The following TAFA1 variants were observed in gnomAD, a reference collection of about 807,000 sequenced individuals.
The protein encoded by TAFA1 is chemokine-like protein TAFA-1.
A neutral mutation model predicts 18.5 loss-of-function variants in TAFA1; 4 were observed. That is an observed-to-expected ratio of 0.22 (90% CI 0.11 to 0.49). The LOEUF is 0.49. Among genes scored for constraint, TAFA1 ranks in the 20% least tolerant of loss-of-function variants. The pLI is 0.98. For synonymous variants in TAFA1, 56 were observed against 55.2 expected (o/e 1.01, Z -0.06); for missense variants, 147 against 169.0 (o/e 0.87, Z 0.72).
Position 68,094,128 on chromosome 3 carries a change from T to C in TAFA1, c.118+87384T>C, listed in dbSNP as rs147832188. On this transcript the variant is annotated intron_variant, in intron 2 of 4. Transcript: ENST00000478136. ...CCCATTAGAGTGGGGGGTGGATGCC[T>C]AGGATACTGTGATTTAAGATGAATG... 3.8e-3 allele frequency among the ~76,000 whole-genome samples: 585 copies of C among 152,174 alleles called. 2 individuals are homozygous for C. Among genetic ancestry groups the C allele is most frequent in the Non-Finnish European group, 6.4e-3 (432 of 68,000 alleles).
intron 3 of TAFA1, among the ~76,000 whole-genome samples, chr3:68,494,031 A>G (rs2072500045): frequency 6.6e-6 from 1 of 152,176 alleles, no homozygotes; most frequent in African/African-American, 2.4e-5. Flanking sequence ...GTTTCTTGAA[A>G]ATTAGGACTA....
intron 3 of TAFA1, among the ~76,000 whole-genome samples, chr3:68,496,897 C>T (rs1156281408): frequency 6.6e-6 from 1 of 152,034 alleles, no homozygotes; most frequent in African/African-American, 2.4e-5. Flanking sequence ...AGATTCTATC[C>T]CCACAACACC....
chr3:68,192,048 G>A (rs949912741), intron 2 of TAFA1, among the ~76,000 whole-genome samples: 3 of 151,520 alleles, frequency 2.0e-5, no homozygotes, highest in Admixed American at 6.6e-5. Context: ...CTAAAGTCCC[G>A]CCTACATATA....
At chr3:68,069,254 G>A (rs538422161) in intron 2 of TAFA1, among the ~76,000 whole-genome samples, 1 of 152,330 alleles carries the variant, frequency 6.6e-6, no homozygotes, top group African/African-American at 2.4e-5. Context: ...GTTCCATGTG[G>A]CTGGGGAGGC....
chr3:68,194,835 G>T (rs537336132), intron 2 of TAFA1, among the ~76,000 whole-genome samples: 1 of 151,850 alleles, frequency 6.6e-6, no homozygotes, highest in African/African-American at 2.4e-5. Flanking sequence ...GTGAGGTTTT[G>T]TTGGTAAAGT....
intron 4 of TAFA1, among the ~76,000 whole-genome samples, chr3:68,544,098 C>T (rs1486729643): frequency 1.3e-5 from 2 of 151,950 alleles, no homozygotes; most frequent in Non-Finnish European, 2.9e-5. Flanking sequence ...GTGCAGGGCC[C>T]TTGTTTAAAA....
At chr3:68,417,484 T>C in intron 3 of TAFA1, 64 bp downstream of exon 3, 1 of 1,479,800 alleles carries the variant, frequency 6.8e-7, no homozygotes, top group South Asian at 1.3e-5. Context: ...ATATAATTTC[T>C]TGTTTTATCT....
intron 3 of TAFA1, among the ~76,000 whole-genome samples, chr3:68,459,650 A>T (rs917462396): frequency 1.3e-5 from 2 of 152,222 alleles, no homozygotes; most frequent in East Asian, 3.8e-4. Flanking sequence ...CAGTTGATAG[A>T]AAGTATTATC....
chr3:68,513,359 C>T (rs1315780473), intron 3 of TAFA1, among the ~76,000 whole-genome samples: 1 of 152,270 alleles, frequency 6.6e-6, no homozygotes, highest in Non-Finnish European at 1.5e-5. Flanking sequence ...TATTCTGTAT[C>T]ATTCAATATG....
At chr3:68,323,532 A>G (rs1253273068) in intron 2 of TAFA1, among the ~76,000 whole-genome samples, 1 of 152,212 alleles carries the variant, frequency 6.6e-6, no homozygotes, top group Non-Finnish European at 1.5e-5. Flanking sequence ...TTTTGAACGG[A>G]CTGTCCTCGT....
At chr3:68,264,709 GATA>G (rs2067508656) in intron 2 of TAFA1, among the ~76,000 whole-genome samples, 1 of 114,754 alleles carries the variant, frequency 8.7e-6, no homozygotes. Flanking sequence ...AGTATATATA[GATA>G]ATTTCTATAA....
At chr3:68,019,168 T>C (rs958774089) in intron 2 of TAFA1, among the ~76,000 whole-genome samples, 1 of 152,232 alleles carries the variant, frequency 6.6e-6, no homozygotes, top group Admixed American at 6.5e-5. Flanking sequence ...GCCAGGCATC[T>C]GTTTCTTGGG....
intron 2 of TAFA1, among the ~76,000 whole-genome samples, chr3:68,153,507 T>C (rs1368496371): frequency 6.6e-6 from 1 of 152,208 alleles, no homozygotes; most frequent in East Asian, 1.9e-4. Context: ...GTTTCTGAGC[T>C]GTCATTTGCA....
At chr3:68,197,680 A>G (rs369572335) in intron 2 of TAFA1, among the ~76,000 whole-genome samples, 4 of 151,630 alleles carry the variant, frequency 2.6e-5, no homozygotes, top group African/African-American at 9.7e-5. Flanking sequence ...AAGCATGAAT[A>G]TATCTTTGTC....
At chr3:68,162,755 C>G (rs1031949049) in intron 2 of TAFA1, among the ~76,000 whole-genome samples, 3 of 152,180 alleles carry the variant, frequency 2.0e-5, no homozygotes, top group Non-Finnish European at 4.4e-5. Flanking sequence ...TAAGCCCAGA[C>G]AAGAGGCAGA....
At chr3:68,395,037 G>A (rs1028742200) in intron 2 of TAFA1, among the ~76,000 whole-genome samples, 22 of 152,186 alleles carry the variant, frequency 1.4e-4, no homozygotes, top group African/African-American at 5.3e-4. Context: ...GAAAATTTTT[G>A]CAATATATTC....
At chr3:68,166,250 G>A (rs997989737) in intron 2 of TAFA1, among the ~76,000 whole-genome samples, 4 of 152,126 alleles carry the variant, frequency 2.6e-5, no homozygotes, top group Admixed American at 6.5e-5. Flanking sequence ...AGTTTTAATC[G>A]TAGTGGGCCT....
intron 2 of TAFA1, among the ~76,000 whole-genome samples, chr3:68,130,516 T>C (rs2065523251): frequency 6.6e-6 from 1 of 152,198 alleles, no homozygotes; most frequent in Non-Finnish European, 1.5e-5. Flanking sequence ...CTCCACCCAG[T>C]AATCAAATTA....
intron 2 of TAFA1, among the ~76,000 whole-genome samples, chr3:68,082,092 A>T (rs921443221): frequency 2.0e-5 from 3 of 152,202 alleles, no homozygotes; most frequent in African/African-American, 7.2e-5. Flanking sequence ...GCCGTCCGTC[A>T]CCCCTTTCTT....
Sources: gnomAD v4.1 joint callset for allele counts (sites outside exome capture counted in the v4.1 genomes callset) on GRCh38, gnomAD v4.1.1 for gene constraint, MANE v1.5 for transcripts, NCBI Gene and HGNC (gene_info 2026-07-23, HGNC 2026-07-21) for gene names.